The following TRPC4AP variants were observed in gnomAD, a reference collection of about 807,000 sequenced individuals.
TRPC4AP encodes short transient receptor potential channel 4-associated protein.
Under a neutral mutation model 99.0 loss-of-function variants are expected in TRPC4AP, and 45 were observed. The ratio of observed to expected loss-of-function variants is 0.45; its 90% CI spans 0.36 to 0.58. The LOEUF (loss-of-function observed/expected upper bound fraction) is 0.58, where lower values mean the gene tolerates loss of function less well. TRPC4AP is among the 20% of genes least tolerant of loss of function. The pLI, the probability that TRPC4AP is intolerant of heterozygous loss-of-function variation, is 0.00. For synonymous variants in TRPC4AP, 408 were observed against 385.8 expected (o/e 1.06, Z -0.67); for missense variants, 879 against 985.3 (o/e 0.89, Z 1.44).
At chr20:35,092,577 T>TA in intron 1 of TRPC4AP, 37 bp downstream of exon 1, 1 of 1,426,496 alleles carries the variant, frequency 7.0e-7, no homozygotes, top group Non-Finnish European at 9.1e-7. Flanking sequence ...TCCCGCCTGG[T>TA]CCGCCCCGCC....
At chr20:35,060,968 T>C (rs2083990935) in intron 3 of TRPC4AP, among the ~76,000 whole-genome samples, 2 of 152,174 alleles carry the variant, frequency 1.3e-5, no homozygotes, top group South Asian at 4.1e-4. Flanking sequence ...CAATTTAACA[T>C]TGTACTGAGT....
At chr20:35,083,231 A>G (rs2084696756) in intron 1 of TRPC4AP, among the ~76,000 whole-genome samples, 1 of 152,150 alleles carries the variant, frequency 6.6e-6, no homozygotes, top group Non-Finnish European at 1.5e-5. Flanking sequence ...TAAAAACACT[A>G]CTTACAATAC....
intron 8 of TRPC4AP, among the ~76,000 whole-genome samples, chr20:35,026,633 T>G (rs964797272): frequency 1.3e-5 from 2 of 152,196 alleles, no homozygotes; most frequent in Admixed American, 1.3e-4. Flanking sequence ...TTGTGTTGAA[T>G]CTGTAAGGCT....
chr20:35,035,311 G>A lies in TRPC4AP; in HGVS notation c.866-3C>T, dbSNP rs1600559731. 6.2e-7 allele frequency: 1 copy of A among 1,612,528 alleles called. No homozygotes were observed. The highest frequency in any genetic ancestry group is 8.5e-7 in the Non-Finnish European group (1 of 1,179,220). ...GCCAGGAATGCTGAGAAGGGCCGCT[G>A]CCAGGGAAAGAACAAGCGAGGAAAT... On this transcript the variant is annotated splice_region_variant and splice_polypyrimidine_tract_variant and intron_variant, in intron 7 of 18. Coordinates refer to ENST00000252015, the MANE Select transcript of TRPC4AP (RefSeq NM_015638.3).
chr20:35,090,113 A>G (rs529846973), intron 1 of TRPC4AP, among the ~76,000 whole-genome samples: 4 of 142,896 alleles, frequency 2.8e-5, no homozygotes, highest in African/African-American at 1.0e-4. Context: ...AAAAAAAAAA[A>G]GGGTAAGCAA....
chr20:35,024,854 A>AAAAAAAAAAAAAAAACAT lies in TRPC4AP; in HGVS notation c.1052-3499_1052-3498insATGTTTTTTTTTTTTTTT, dbSNP rs1479270980. The stretch of plus-strand genomic sequence containing the variant: ...AAAAAAAAAAAAAAAAAAAAAAAAA[A>AAAAAAAAAAAAAAAACAT]ATTCTGTTTATTCATTAATCAGGTG... On this transcript the variant is annotated intron_variant, in intron 8 of 18. Transcript: ENST00000252015. Among the ~76,000 whole-genome samples the AAAAAAAAAAAAAAAACAT allele has an allele frequency of 1.9e-3, 166 of 89,460 alleles. 40 individuals carry two copies. Among genetic ancestry groups the AAAAAAAAAAAAAAAACAT allele is most frequent in the Admixed American group, 2.6e-3 (17 of 6,626 alleles). 58.7% of individuals were successfully genotyped at this position (89,460 alleles called of 152,430 possible).
chr20:35,026,002 G>C (rs2083021243), intron 8 of TRPC4AP, among the ~76,000 whole-genome samples: 1 of 152,056 alleles, frequency 6.6e-6, no homozygotes, highest in African/African-American at 2.4e-5. Context: ...GACATCAAAT[G>C]GTCCCAATAC....
rs57144406 is a variant in TRPC4AP, at chr20:35,086,577, A to G, written c.168+6037T>C. Among the ~76,000 whole-genome samples, 945 of 119,816 alleles carry G rather than the reference A, an allele frequency of 7.9e-3. 46 individuals are homozygous for G. Among genetic ancestry groups the G allele is most frequent in the African/African-American group, 0.028 (828 of 29,834 alleles). The allele number at this position is 119,816 out of a possible 152,430, so 78.6% of individuals were successfully genotyped here. On this transcript the variant is annotated intron_variant, in intron 1 of 18. Coordinates refer to ENST00000252015, the MANE Select transcript of TRPC4AP (RefSeq NM_015638.3). Reference sequence around the variant, plus strand: ...TGTGTGTGTGTGTGTGTGTGTGTGTATATATATATGAATAAGACTTTATCC... The same window carrying G: ...TGTGTGTGTGTGTGTGTGTGTGTGTGTATATATATGAATAAGACTTTATCC...
In TRPC4AP at chr20:35,010,233, G is replaced by C; in HGVS notation, c.1465C>G (p.Leu489Val). The change falls in exon 12 of 19, where the codon CTC becomes GTC. Residue 489 changes from leucine (L) to valine (V), a missense_variant. Coordinates refer to ENST00000252015, the MANE Select transcript of TRPC4AP (RefSeq NM_015638.3). ...TCCACCTCAGGGATGTTGGCCTTGAGAGAGATGGCACTGAGTTCATTCAGC... is the reference window on the plus strand; with the variant it reads ...TCCACCTCAGGGATGTTGGCCTTGACAGAGATGGCACTGAGTTCATTCAGC... Reference protein sequence around the residue: ...QELNELSAISLKANIPEVEAV... With the variant: ...QELNELSAISVKANIPEVEAV... 6.2e-7 allele frequency: 1 copy of C among 1,614,228 alleles called. No homozygotes were observed. Among genetic ancestry groups the C allele is most frequent in the Non-Finnish European group, 8.5e-7 (1 of 1,180,038 alleles).
intron 8 of TRPC4AP, among the ~76,000 whole-genome samples, chr20:35,028,495 T>C (rs2083084424): frequency 6.6e-6 from 1 of 152,230 alleles, no homozygotes; most frequent in South Asian, 2.1e-4. Context: ...CCAAGTTTGT[T>C]ATTTATTTCT....
At chr20:35,028,488 AG>A (rs1460774568) in intron 8 of TRPC4AP, among the ~76,000 whole-genome samples, 1 of 152,152 alleles carries the variant, frequency 6.6e-6, no homozygotes, top group Non-Finnish European at 1.5e-5. Flanking sequence ...TAATTTCCCA[AG>A]TTTGTTATTT....
intron 3 of TRPC4AP, among the ~76,000 whole-genome samples, chr20:35,065,025 A>C (rs527832935): frequency 7.2e-5 from 11 of 152,356 alleles, no homozygotes; most frequent in African/African-American, 2.2e-4. Flanking sequence ...AAAGCTCTGA[A>C]GTATACTACA....
At chr20:35,034,303 G>A (rs900482860) in intron 8 of TRPC4AP, among the ~76,000 whole-genome samples, 1 of 151,984 alleles carries the variant, frequency 6.6e-6, no homozygotes. Context: ...TCAGAGCAGG[G>A]TCAGTAGCCT....
chr20:35,015,480 T>TTTTTA (rs2082732779), intron 10 of TRPC4AP, among the ~76,000 whole-genome samples: 1 of 141,840 alleles, frequency 7.1e-6, no homozygotes. Flanking sequence ...TTTTTTTTTT[T>TTTTTA]GAGACACAGT....
At chr20:35,023,826 C>A (rs961856104) in intron 8 of TRPC4AP, among the ~76,000 whole-genome samples, 1 of 152,236 alleles carries the variant, frequency 6.6e-6, no homozygotes, top group Admixed American at 6.5e-5. Flanking sequence ...CACACAAGTC[C>A]TACTGAGAAA....
chr20:35,088,503 T>A (rs1449625254), intron 1 of TRPC4AP, among the ~76,000 whole-genome samples: 1 of 152,210 alleles, frequency 6.6e-6, no homozygotes, highest in Non-Finnish European at 1.5e-5. Context: ...AGACACAGTC[T>A]CTTCAGGAAG....
intron 3 of TRPC4AP, among the ~76,000 whole-genome samples, chr20:35,069,051 TG>T (rs2084233043): frequency 1.3e-5 from 2 of 151,790 alleles, no homozygotes; most frequent in South Asian, 4.2e-4. Context: ...GAGGGGACAC[TG>T]GGAAATTTAG....
At chr20:35,006,811 G>A (rs972605188) in intron 14 of TRPC4AP, among the ~76,000 whole-genome samples, 4 of 152,242 alleles carry the variant, frequency 2.6e-5, no homozygotes, top group African/African-American at 2.4e-5. Context: ...TGCCCAGGGC[G>A]TACAGCTGAA....
intron 7 of TRPC4AP, among the ~76,000 whole-genome samples, chr20:35,042,317 C>T (rs939942121): frequency 6.6e-6 from 1 of 152,130 alleles, no homozygotes; most frequent in Non-Finnish European, 1.5e-5. Flanking sequence ...TCCCTAATAA[C>T]CTACAAAGTA....
Sources: gnomAD v4.1 joint callset for allele counts (sites outside exome capture counted in the v4.1 genomes callset) on GRCh38, gnomAD v4.1.1 for gene constraint, MANE v1.5 for transcripts, NCBI Gene and HGNC (gene_info 2026-07-23, HGNC 2026-07-21) for gene names.